Variants in KDM4C observed in about 807,000 individuals in gnomAD.
KDM4C encodes the protein lysine demethylase 4C.
Under a neutral mutation model 129.3 loss-of-function variants are expected in KDM4C, and 81 were observed. The ratio of observed to expected loss-of-function variants is 0.63; its 90% CI spans 0.52 to 0.75. The LOEUF is 0.75. Among genes scored for constraint, KDM4C ranks in the 30% least tolerant of loss-of-function variants. The pLI, the probability that KDM4C is intolerant of heterozygous loss-of-function variation, is 0.00. For synonymous variants in KDM4C, 573 were observed against 456.1 expected, an observed-to-expected ratio of 1.26 and a Z score of -3.26; for missense variants, 1,457 against 1,304.0, an observed-to-expected ratio of 1.12 and a Z score of -1.81.
intron 8 of KDM4C, among the ~76,000 whole-genome samples, chr9:6,949,791 A>C (rs960409168): frequency 5.9e-5 from 9 of 152,228 alleles, no homozygotes; most frequent in African/African-American, 2.2e-4. Flanking sequence ...AGATGGCAGC[A>C]GTACAGTCCA....
At chr9:6,909,151 A>G (rs1818837539) in intron 8 of KDM4C, among the ~76,000 whole-genome samples, 1 of 152,252 alleles carries the variant, frequency 6.6e-6, no homozygotes, top group Admixed American at 6.5e-5. Flanking sequence ...TGAGAGTATT[A>G]GAAAGTAAAG....
chr9:6,921,985 T>C (rs1821606337), intron 8 of KDM4C, among the ~76,000 whole-genome samples: 1 of 152,214 alleles, frequency 6.6e-6, no homozygotes, highest in South Asian at 2.1e-4. Context: ...CTGATATCAT[T>C]TCTCAATTTG....
chr9:7,066,269 A>C (rs1358718007), intron 17 of KDM4C, among the ~76,000 whole-genome samples: 1 of 152,166 alleles, frequency 6.6e-6, no homozygotes, highest in East Asian at 1.9e-4. Flanking sequence ...CTCTCATGGG[A>C]TTTACATTCC....
chr9:6,883,149 C>T (rs1041206132), intron 6 of KDM4C, among the ~76,000 whole-genome samples: 5 of 152,124 alleles, frequency 3.3e-5, no homozygotes, highest in Non-Finnish European at 7.4e-5. Flanking sequence ...TGCTCTCATA[C>T]CTCTCTCTTG....
chr9:7,146,586 C>T (rs1842234714), intron 19 of KDM4C, among the ~76,000 whole-genome samples: 1 of 152,128 alleles, frequency 6.6e-6, no homozygotes, highest in African/African-American at 2.4e-5. Context: ...TTTTTTAAGT[C>T]AATGCCTGCA....
intron 8 of KDM4C, among the ~76,000 whole-genome samples, chr9:6,900,375 C>T (rs929017860): frequency 2.0e-5 from 3 of 152,224 alleles, no homozygotes; most frequent in African/African-American, 7.2e-5. Context: ...TCTCAAGATT[C>T]TTGAAGATTC....
intron 16 of KDM4C, among the ~76,000 whole-genome samples, chr9:7,047,432 G>A (rs182487579): frequency 6.6e-6 from 1 of 152,148 alleles, no homozygotes; most frequent in East Asian, 1.9e-4. Flanking sequence ...GGATCAGGTG[G>A]AGAATATGAA....
At chr9:6,811,751 G>T (rs1351308962) in intron 3 of KDM4C, among the ~76,000 whole-genome samples, 1 of 152,100 alleles carries the variant, frequency 6.6e-6, no homozygotes, top group Non-Finnish European at 1.5e-5. Flanking sequence ...ATTCAGCCCC[G>T]TGTCTAGGGT....
chr9:7,039,116 CTATATTTTCT>C (rs1346485350), intron 15 of KDM4C, among the ~76,000 whole-genome samples: 1 of 151,720 alleles, frequency 6.6e-6, no homozygotes, highest in African/African-American at 2.4e-5. Context: ...GTATATTTTC[CTATATTTTCT>C]TATAATACTT....
chr9:6,835,762 A>G (rs1835768638), intron 4 of KDM4C, among the ~76,000 whole-genome samples: 1 of 152,192 alleles, frequency 6.6e-6, no homozygotes, highest in African/African-American at 2.4e-5. Context: ...TGGAGTGAAC[A>G]TCCCCCAAAT....
At chr9:7,171,469 G>C (rs1390036458) in intron 21 of KDM4C, among the ~76,000 whole-genome samples, 1 of 152,044 alleles carries the variant, frequency 6.6e-6, no homozygotes, top group Non-Finnish European at 1.5e-5. Context: ...CCTCTTCCCT[G>C]CCTTATTCCC....
chr9:6,774,569 G>A (rs1822604310), intron 1 of KDM4C, among the ~76,000 whole-genome samples: 3 of 152,176 alleles, frequency 2.0e-5, no homozygotes, highest in Non-Finnish European at 4.4e-5. Flanking sequence ...GGAGGCTGAA[G>A]CAGGAGAATC....
intron 1 of KDM4C, among the ~76,000 whole-genome samples, chr9:6,771,078 ATCTTTTTTTTTTT>A (rs1337472382): frequency 1.2e-5 from 1 of 84,644 alleles, no homozygotes; most frequent in Non-Finnish European, 2.2e-5. Context: ...CCGACTGTGA[ATCTTTTTTTTTTT>A]TTTTTTTTTT....
chr9:6,848,198 C>T (rs565688284), intron 4 of KDM4C, among the ~76,000 whole-genome samples: 22 of 152,230 alleles, frequency 1.4e-4, no homozygotes, highest in African/African-American at 4.8e-4. Context: ...CTGGCCAATG[C>T]GCTTCTCTAA....
intron 1 of KDM4C, among the ~76,000 whole-genome samples, chr9:6,776,566 C>T (rs1291965906): frequency 6.7e-6 from 1 of 148,976 alleles, no homozygotes; most frequent in Non-Finnish European, 1.5e-5. Flanking sequence ...TGGCTCAAGT[C>T]CCATTTATCT....
intron 1 of KDM4C, among the ~76,000 whole-genome samples, chr9:6,777,376 AGTACTTAAAT>A (rs1311872465): frequency 6.6e-6 from 1 of 152,192 alleles, no homozygotes; most frequent in Non-Finnish European, 1.5e-5. Context: ...GTTCATGTTA[AGTACTTAAAT>A]GTTAGCTGCC....
At chr9:7,073,281 A>G (rs574423285) in intron 17 of KDM4C, among the ~76,000 whole-genome samples, 1 of 152,328 alleles carries the variant, frequency 6.6e-6, no homozygotes, top group African/African-American at 2.4e-5. Flanking sequence ...TTGCTTTTTC[A>G]TTGTGATAAT....
intron 19 of KDM4C, among the ~76,000 whole-genome samples, chr9:7,146,011 G>T (rs1587860722): frequency 6.6e-6 from 1 of 152,236 alleles, no homozygotes; most frequent in East Asian, 1.9e-4. Context: ...ACGGCTCTTT[G>T]TTCCTTTGAT....
chr9:6,801,032 G>C (rs1828846953), intron 2 of KDM4C, among the ~76,000 whole-genome samples: 1 of 152,048 alleles, frequency 6.6e-6, no homozygotes, highest in Non-Finnish European at 1.5e-5. Context: ...CTGTGAGGTG[G>C]TTTTATTTTT....
Sources: gnomAD v4.1 joint callset for allele counts (sites outside exome capture counted in the v4.1 genomes callset) on GRCh38, gnomAD v4.1.1 for gene constraint, MANE v1.5 for transcripts, NCBI Gene and HGNC (gene_info 2026-07-23, HGNC 2026-07-21) for gene names.